Variants in GSTCD observed in about 807,000 individuals in gnomAD.
GSTCD encodes glutathione S-transferase C-terminal domain containing, also known as glutathione S-transferase C-terminal domain-containing protein.
Under a neutral mutation model 68.3 loss-of-function variants are expected in GSTCD, and 44 were observed. That is an observed-to-expected ratio of 0.64 (90% CI 0.51 to 0.83). The LOEUF (loss-of-function observed/expected upper bound fraction) is 0.83, where lower values mean the gene tolerates loss of function less well. Among genes scored for constraint, GSTCD ranks in the 40% least tolerant of loss-of-function variants. The pLI, the probability that GSTCD is intolerant of heterozygous loss-of-function variation, is 0.00. For missense variants in GSTCD, 739 were observed against 735.9 expected (o/e 1.00, Z -0.05); for synonymous variants, 273 against 255.2 (o/e 1.07, Z -0.67).
At chr4:105,832,560 A>G (rs913384144) in intron 8 of GSTCD, among the ~76,000 whole-genome samples, 2 of 152,224 alleles carry the variant, frequency 1.3e-5, no homozygotes. Flanking sequence ...AGGGTTTTGT[A>G]GAGAAGCCGC....
At chr4:105,828,638 T>C (rs1723762666) in intron 8 of GSTCD, among the ~76,000 whole-genome samples, 1 of 152,028 alleles carries the variant, frequency 6.6e-6, no homozygotes. Flanking sequence ...GAAAAGCAGA[T>C]TGAAGAAAAA....
intron 5 of GSTCD, among the ~76,000 whole-genome samples, chr4:105,796,344 CAT>C (rs1208021358): frequency 1.3e-5 from 2 of 152,136 alleles, no homozygotes; most frequent in Non-Finnish European, 2.9e-5. Context: ...CCTCCCATGA[CAT>C]GTGGGAATTG....
At chr4:105,729,069 G>C (rs1440576894) in intron 4 of GSTCD, among the ~76,000 whole-genome samples, 1 of 151,976 alleles carries the variant, frequency 6.6e-6, no homozygotes, top group Non-Finnish European at 1.5e-5. Flanking sequence ...TATGTGGATT[G>C]TTTTTGATAA....
At chr4:105,756,364 G>A (rs1190670219) in intron 5 of GSTCD, among the ~76,000 whole-genome samples, 1 of 151,926 alleles carries the variant, frequency 6.6e-6, no homozygotes, top group African/African-American at 2.4e-5. Flanking sequence ...TGGTCTTTCT[G>A]GTGACTACCC....
intron 5 of GSTCD, among the ~76,000 whole-genome samples, chr4:105,738,775 A>G (rs1178429892): frequency 6.6e-6 from 1 of 152,148 alleles, no homozygotes; most frequent in Admixed American, 6.5e-5. Context: ...AGATTGTGTC[A>G]TCTGCAAATA....
intron 5 of GSTCD, among the ~76,000 whole-genome samples, chr4:105,786,721 T>C (rs1223262500): frequency 6.6e-6 from 1 of 152,080 alleles, no homozygotes; most frequent in African/African-American, 2.4e-5. Context: ...TATGGGTAAA[T>C]ACTAAGCACA....
At chr4:105,814,635 A>ATAAAAT (rs1722898935) in intron 5 of GSTCD, among the ~76,000 whole-genome samples, 2 of 152,170 alleles carry the variant, frequency 1.3e-5, no homozygotes, top group Non-Finnish European at 2.9e-5. Context: ...AAAAATAAAA[A>ATAAAAT]TAAATTAAAA....
chr4:105,784,385 A>T (rs551476995), intron 5 of GSTCD, among the ~76,000 whole-genome samples: 1 of 152,206 alleles, frequency 6.6e-6, no homozygotes, highest in Non-Finnish European at 1.5e-5. Context: ...GACTAGCTTT[A>T]TAACAATTCA....
intron 5 of GSTCD, among the ~76,000 whole-genome samples, chr4:105,769,233 GCACACACA>G (rs57039503): frequency 0.58 from 84,204 of 146,086 alleles, 27,325 homozygotes; most frequent in East Asian, 0.82. Flanking sequence ...ATACACGCGC[GCACACACA>G]CACACACACA....
At chr4:105,741,767 ATAT>A (rs1437617719) in intron 5 of GSTCD, among the ~76,000 whole-genome samples, 2 of 152,158 alleles carry the variant, frequency 1.3e-5, no homozygotes, top group African/African-American at 2.4e-5. Context: ...TGTTTTCATA[ATAT>A]TATGACAAAG....
At chr4:105,796,950 C>G (rs1210352813) in intron 5 of GSTCD, among the ~76,000 whole-genome samples, 3 of 152,024 alleles carry the variant, frequency 2.0e-5, no homozygotes, top group East Asian at 1.9e-4. Flanking sequence ...CAGGCTAACT[C>G]CATTTCTTCT....
At chr4:105,799,132 G>A (rs1736011829) in intron 5 of GSTCD, among the ~76,000 whole-genome samples, 1 of 152,100 alleles carries the variant, frequency 6.6e-6, no homozygotes, top group African/African-American at 2.4e-5. Context: ...TTTTTCTTGT[G>A]TAGCTTCCTC....
chr4:105,740,449 G>A (rs1311516809), intron 5 of GSTCD, among the ~76,000 whole-genome samples: 2 of 151,974 alleles, frequency 1.3e-5, no homozygotes, highest in Non-Finnish European at 2.9e-5. Context: ...GAATTCCTGT[G>A]TTCACCTGAG....
intron 1 of GSTCD, among the ~76,000 whole-genome samples, chr4:105,714,547 A>G (rs1053253884): frequency 1.3e-5 from 2 of 152,018 alleles, no homozygotes; most frequent in Non-Finnish European, 2.9e-5. Context: ...CAAGCCAAAA[A>G]CATCACATTT....
intron 5 of GSTCD, among the ~76,000 whole-genome samples, chr4:105,733,588 C>T (rs1271954384): frequency 1.3e-5 from 2 of 152,158 alleles, no homozygotes; most frequent in Non-Finnish European, 2.9e-5. Flanking sequence ...TGTCTCTGCA[C>T]GTCAGATGGC....
At chr4:105,799,928 A>C (rs891085159) in intron 5 of GSTCD, among the ~76,000 whole-genome samples, 3 of 152,174 alleles carry the variant, frequency 2.0e-5, no homozygotes, top group African/African-American at 4.8e-5. Flanking sequence ...CATTGAGTAC[A>C]CATAGACACA....
chr4:105,731,772 G>C (rs952468556), intron 5 of GSTCD, among the ~76,000 whole-genome samples: 1 of 152,146 alleles, frequency 6.6e-6, no homozygotes, highest in African/African-American at 2.4e-5. Flanking sequence ...TCTTGTGCCA[G>C]TTTTCAAAGG....
chr4:105,743,043 G>A (rs543077769), intron 5 of GSTCD, among the ~76,000 whole-genome samples: 34 of 151,272 alleles, frequency 2.2e-4, no homozygotes, highest in African/African-American at 6.6e-4. Flanking sequence ...GCCGCCTCCC[G>A]GTTTGACGCC....
At chr4:105,732,854 T>C (rs1315699197) in intron 5 of GSTCD, among the ~76,000 whole-genome samples, 2 of 152,236 alleles carry the variant, frequency 1.3e-5, no homozygotes. Context: ...CTCTACACAC[T>C]GCTTTAAATG....
Sources: allele counts gnomAD v4.1 joint callset (sites outside exome capture counted in the v4.1 genomes callset), GRCh38; gene constraint gnomAD v4.1.1; transcripts MANE v1.5; gene names NCBI Gene and HGNC (gene_info 2026-07-23, HGNC 2026-07-21).